The following LRMDA variants were observed in gnomAD, a reference collection of about 807,000 sequenced individuals.
LRMDA encodes leucine rich melanocyte differentiation associated.
LRMDA carries 18 observed loss-of-function variants against 29.8 expected under a neutral mutation model. The ratio of observed to expected loss-of-function variants is 0.60; its 90% CI spans 0.42 to 0.90. LRMDA has a LOEUF of 0.90. LRMDA is among the 40% of genes least tolerant of loss of function. The pLI, the probability that LRMDA is intolerant of heterozygous loss-of-function variation, is 0.00. For missense variants in LRMDA, 273 were observed against 273.9 expected, an observed-to-expected ratio of 1.00 and a Z score of 0.02; for synonymous variants, 125 against 109.4, an observed-to-expected ratio of 1.14 and a Z score of -0.89.
intron 2 of LRMDA, chr10:75,552,540 C>A: frequency 2.1e-6 from 1 of 485,836 alleles, no homozygotes; most frequent in Admixed American, 2.1e-5. Context: ...ATCAAAGATA[C>A]AAGTGCCTGA....
chr10:75,617,956 G>A, intron 2 of LRMDA, among the ~76,000 whole-genome samples: 1 of 152,292 alleles, frequency 6.6e-6, no homozygotes, highest in South Asian at 2.1e-4. Context: ...TAGAAGATGA[G>A]AACTTTGAGA....
chr10:75,455,619 C>T (rs1326664155), intron 2 of LRMDA, among the ~76,000 whole-genome samples: 3 of 152,114 alleles, frequency 2.0e-5, no homozygotes, highest in Non-Finnish European at 4.4e-5. Context: ...AGAGAGGGTT[C>T]CCAGCCAGCC....
At chr10:76,296,655 T>C (rs1840415486) in intron 5 of LRMDA, among the ~76,000 whole-genome samples, 1 of 152,256 alleles carries the variant, frequency 6.6e-6, no homozygotes, top group South Asian at 2.1e-4. Flanking sequence ...AAACAGTATA[T>C]TGGACCAAGG....
At chr10:76,485,741 C>T (rs1236678548) in intron 6 of LRMDA, among the ~76,000 whole-genome samples, 3 of 151,640 alleles carry the variant, frequency 2.0e-5, no homozygotes, top group Admixed American at 1.3e-4. Flanking sequence ...TTATTTCTTC[C>T]TTACTATTGA....
chr10:75,539,251 G>T (rs1225114135), intron 2 of LRMDA, among the ~76,000 whole-genome samples: 2 of 152,300 alleles, frequency 1.3e-5, no homozygotes, highest in East Asian at 3.9e-4. Context: ...CCATGGCTGT[G>T]TGTTAGAACC....
intron 2 of LRMDA, among the ~76,000 whole-genome samples, chr10:75,872,096 T>C (rs1845121347): frequency 6.6e-6 from 1 of 152,224 alleles, no homozygotes; most frequent in Non-Finnish European, 1.5e-5. Flanking sequence ...TTTAAATTTC[T>C]ACTTTATGTT....
At chr10:76,435,236 G>A (rs1305806013) in intron 6 of LRMDA, among the ~76,000 whole-genome samples, 4 of 152,214 alleles carry the variant, frequency 2.6e-5, no homozygotes, top group African/African-American at 9.7e-5. Context: ...GGCTCTGGAG[G>A]AGATGAAGTG....
chr10:76,323,898 A>G (rs1409348735), intron 5 of LRMDA, among the ~76,000 whole-genome samples: 1 of 152,212 alleles, frequency 6.6e-6, no homozygotes, highest in Non-Finnish European at 1.5e-5. Context: ...TACACAGCAC[A>G]AGACAATTTA....
Position 76,277,212 on chromosome 10 carries a change from C to T in LRMDA, c.517-47189C>T, listed in dbSNP as rs372676038. 1.3e-4 allele frequency among the ~76,000 whole-genome samples: 20 copies of T among 152,048 alleles called. No individual in the cohort carries two copies. The East Asian group carries it at 2.9e-3, about 22-fold the overall frequency. ...ATTTCCATGGTACTGCTGTATCAGA[C>T]GACTCTGTGATTGGGGCCTGCATTT... On this transcript the variant is annotated intron_variant, in intron 5 of 6. Coordinates refer to ENST00000611255, the MANE Select transcript of LRMDA (RefSeq NM_001305581.2).
chr10:76,034,713 C>T (rs1039699802), intron 2 of LRMDA, among the ~76,000 whole-genome samples: 1 of 152,140 alleles, frequency 6.6e-6, no homozygotes, highest in African/African-American at 2.4e-5. Flanking sequence ...ACATTGCACA[C>T]GCAAGCACAC....
intron 2 of LRMDA, among the ~76,000 whole-genome samples, chr10:75,867,057 G>C (rs1431327200): frequency 2.0e-5 from 3 of 152,200 alleles, no homozygotes; most frequent in Non-Finnish European, 2.9e-5. Context: ...TGGTGACATT[G>C]CATCTCCACC....
chr10:75,637,554 G>A (rs1403919980), intron 2 of LRMDA, among the ~76,000 whole-genome samples: 1 of 152,152 alleles, frequency 6.6e-6, no homozygotes. Context: ...CGTGTAGCAT[G>A]TAGTGTGTAG....
intron 2 of LRMDA, among the ~76,000 whole-genome samples, chr10:75,612,941 A>G (rs4746313): frequency 0.085 from 12,986 of 152,164 alleles, 845 homozygotes; most frequent in East Asian, 0.32. Context: ...CAGCCTTTCA[A>G]CTTTGCTATT....
intron 4 of LRMDA, 147 bp from the exon 5 acceptor site, chr10:76,058,519 T>G: frequency 1.4e-6 from 1 of 699,098 alleles, no homozygotes; most frequent in Middle Eastern, 2.6e-4. Context: ...CAGTTGTTTA[T>G]TCTTTGTGAA....
At chr10:76,176,657 G>A (rs191973043) in intron 5 of LRMDA, among the ~76,000 whole-genome samples, 4 of 152,308 alleles carry the variant, frequency 2.6e-5, no homozygotes, top group Admixed American at 2.0e-4. Context: ...GCCGGGTGTG[G>A]TGGCAGGCAC....
chr10:75,834,076 T>G (rs1021117694), intron 2 of LRMDA, among the ~76,000 whole-genome samples: 2 of 152,206 alleles, frequency 1.3e-5, no homozygotes, highest in Admixed American at 1.3e-4. Context: ...ATCAGCCTGT[T>G]TCTTGTCTGT....
intron 2 of LRMDA, among the ~76,000 whole-genome samples, chr10:75,619,528 A>T (rs1841153041): frequency 6.6e-6 from 1 of 152,212 alleles, no homozygotes; most frequent in South Asian, 2.1e-4. Context: ...GGGCAAACAC[A>T]CAAAGCCCCA....
At position 75,618,858 on chromosome 10, in the gene LRMDA, C is replaced by G. The variant is rs563425582; in HGVS notation, c.131+180364C>G. Among the ~76,000 whole-genome samples, 160 of 151,332 alleles carry G rather than the reference C, an allele frequency of 1.1e-3. 1 individual carries two copies. Among genetic ancestry groups the G allele is most frequent in the Non-Finnish European group, 1.9e-3 (127 of 67,918 alleles). On this transcript the variant is annotated intron_variant, in intron 2 of 6. Transcript: ENST00000611255. ...ATGGCATGATCTTGGCTTACTGCAACCTTTGCCTTTGCCTCCCAGGTTCAA... is the reference window on the plus strand; with the variant it reads ...ATGGCATGATCTTGGCTTACTGCAAGCTTTGCCTTTGCCTCCCAGGTTCAA...
intron 2 of LRMDA, among the ~76,000 whole-genome samples, chr10:75,924,022 G>C (rs958957859): frequency 1.8e-4 from 28 of 152,174 alleles, no homozygotes; most frequent in African/African-American, 5.8e-4. Context: ...GTTTCACAGA[G>C]ATATTCCTTT....
Sources: gnomAD v4.1 joint callset for allele counts (sites outside exome capture counted in the v4.1 genomes callset) on GRCh38, gnomAD v4.1.1 for gene constraint, MANE v1.5 for transcripts, NCBI Gene and HGNC (gene_info 2026-07-23, HGNC 2026-07-21) for gene names.